Variants in OPCML observed in about 807,000 individuals in gnomAD.
OPCML encodes the protein opioid binding protein/cell adhesion molecule like.
In OPCML, 13 loss-of-function variants were observed where a neutral mutation model predicts 37.8. The observed-to-expected ratio is 0.34, with a 90% CI of 0.22 to 0.55. The LOEUF is 0.55. Ranked by LOEUF, OPCML falls within the 20% of genes least tolerant of loss-of-function variation. The probability of loss-of-function intolerance (pLI) is 0.91; values close to 1 mark genes in which losing one functional copy is unlikely to be tolerated. For synonymous variants in OPCML, 176 were observed against 168.8 expected, an observed-to-expected ratio of 1.04 and a Z score of -0.33; for missense variants, 341 against 435.6, an observed-to-expected ratio of 0.78 and a Z score of 1.93.
intron 3 of OPCML, among the ~76,000 whole-genome samples, chr11:132,576,300 GT>G (rs982755028): frequency 1.3e-5 from 2 of 150,814 alleles, no homozygotes; most frequent in Admixed American, 6.6e-5. Context: ...AGTCCTTTAA[GT>G]TTTTTTTAAA....
At chr11:132,797,146 G>A (rs1938373235) in intron 2 of OPCML, among the ~76,000 whole-genome samples, 1 of 152,080 alleles carries the variant, frequency 6.6e-6, no homozygotes, top group South Asian at 2.1e-4. Flanking sequence ...TTTGTCACTT[G>A]TGTTTTCAAT....
At chr11:132,501,311 G>A (rs1262781592) in intron 4 of OPCML, among the ~76,000 whole-genome samples, 6 of 152,176 alleles carry the variant, frequency 3.9e-5, no homozygotes, top group South Asian at 2.1e-4. Flanking sequence ...CATTCAGGAC[G>A]TAGGCATGAG....
intron 2 of OPCML, among the ~76,000 whole-genome samples, chr11:132,906,972 T>A (rs1340378925): frequency 6.6e-6 from 1 of 152,210 alleles, no homozygotes; most frequent in Non-Finnish European, 1.5e-5. Context: ...TCGACAGCTC[T>A]CTACCTGACA....
intron 2 of OPCML, among the ~76,000 whole-genome samples, chr11:132,828,968 T>C (rs1394863441): frequency 2.0e-5 from 3 of 152,168 alleles, no homozygotes; most frequent in Non-Finnish European, 4.4e-5. Flanking sequence ...CTTTGAAAGA[T>C]AGCAGTGTGG....
intron 1 of OPCML, among the ~76,000 whole-genome samples, chr11:133,263,843 T>C (rs1276843328): frequency 6.6e-6 from 1 of 152,164 alleles, no homozygotes; most frequent in Non-Finnish European, 1.5e-5. Context: ...AAATCTGCCA[T>C]GTATTTTTCA....
intron 1 of OPCML, among the ~76,000 whole-genome samples, chr11:133,289,667 A>G (rs1244460378): frequency 6.6e-6 from 1 of 151,914 alleles, no homozygotes; most frequent in Non-Finnish European, 1.5e-5. Flanking sequence ...CTTAGAGACT[A>G]GGGCTAGTTT....
In OPCML at chr11:132,635,083, G is replaced by T. The variant is rs191689894; in HGVS notation, c.379+22004C>A. 4.6e-5 allele frequency among the ~76,000 whole-genome samples: 7 copies of T among 152,238 alleles called. No individual in the cohort carries two copies. The East Asian group carries it at 1.4e-3, about 29-fold the overall frequency. ...TTTTTAACTGTGAGACGGTAACACT[G>T]CCCATGATTATTACAGTGTGGAGTA... is the stretch of plus-strand genomic sequence containing the variant. On this transcript the variant is annotated intron_variant, in intron 3 of 7. Transcript: ENST00000524381.
chr11:133,282,643 C>T (rs1440870990), intron 1 of OPCML, among the ~76,000 whole-genome samples: 1 of 152,188 alleles, frequency 6.6e-6, no homozygotes, highest in Non-Finnish European at 1.5e-5. Flanking sequence ...AGGGCCACCA[C>T]CCTCCAGCCC....
At chr11:132,605,610 G>T (rs533983771) in intron 3 of OPCML, among the ~76,000 whole-genome samples, 1 of 148,808 alleles carries the variant, frequency 6.7e-6, no homozygotes, top group East Asian at 2.0e-4. Context: ...ACCACTAACT[G>T]GTGTCCTTCC....
chr11:133,368,248 G>A (rs554341063), intron 1 of OPCML, among the ~76,000 whole-genome samples: 1 of 7,980 alleles, frequency 1.3e-4, no homozygotes, highest in Middle Eastern at 0.033. Flanking sequence ...AGGTGAGGTG[G>A]GGGGGGGAAG....
chr11:133,530,590 T>C (rs112838473), intron 1 of OPCML, among the ~76,000 whole-genome samples: 1,996 of 152,340 alleles, frequency 0.013, 60 homozygotes, highest in African/African-American at 0.045. Context: ...GTACTGAGTG[T>C]TCCGTTGGCT....
At chr11:133,024,394 C>T (rs1947510067) in intron 1 of OPCML, 3 of 985,228 alleles carry the variant, frequency 3.0e-6, no homozygotes, top group Non-Finnish European at 3.6e-6. Flanking sequence ...GGATGGAGAC[C>T]TCTGGAGAGA....
chr11:132,698,439 T>C (rs1039375411), intron 2 of OPCML, among the ~76,000 whole-genome samples: 1 of 152,192 alleles, frequency 6.6e-6, no homozygotes, highest in African/African-American at 2.4e-5. Flanking sequence ...CTGTATGTCT[T>C]ATTTTGAAAA....
chr11:133,015,375 GGAAGGAAGGAAGGAAGGAAT>G (rs1947303396), intron 1 of OPCML, among the ~76,000 whole-genome samples: 1 of 82,382 alleles, frequency 1.2e-5, no homozygotes, highest in Non-Finnish European at 2.3e-5. Context: ...GAGGAATGAA[GGAAGGAAGGAAGGAAGGAAT>G]GAAGGAAGGA....
At chr11:133,326,420 T>C (rs1943456423) in intron 1 of OPCML, among the ~76,000 whole-genome samples, 1 of 133,228 alleles carries the variant, frequency 7.5e-6, no homozygotes, top group African/African-American at 2.9e-5. Flanking sequence ...GGTGTGGATA[T>C]GCATGTGTGT....
At chr11:133,094,386 T>C (rs750205935) in intron 1 of OPCML, among the ~76,000 whole-genome samples, 4 of 152,160 alleles carry the variant, frequency 2.6e-5, no homozygotes, top group Non-Finnish European at 4.4e-5. Context: ...AATGTTCAGA[T>C]ATTATTTTCA....
At chr11:132,655,441 TGAG>T (rs965986632) in intron 3 of OPCML, among the ~76,000 whole-genome samples, 3 of 152,338 alleles carry the variant, frequency 2.0e-5, no homozygotes, top group South Asian at 2.1e-4. Context: ...TGTCGTCCTC[TGAG>T]GAGAAGTATC....
chr11:133,477,170 C>A (rs1947259685), intron 1 of OPCML, among the ~76,000 whole-genome samples: 1 of 152,006 alleles, frequency 6.6e-6, no homozygotes, highest in Non-Finnish European at 1.5e-5. Context: ...TTTTTCCCCC[C>A]ACGTTTTTCT....
chr11:133,074,581 G>A (rs1334874260), intron 1 of OPCML, among the ~76,000 whole-genome samples: 5 of 152,158 alleles, frequency 3.3e-5, no homozygotes, highest in East Asian at 3.9e-4. Flanking sequence ...GCTTCCAGGA[G>A]GATGGTAGCC....
Sources: gnomAD v4.1 joint callset for allele counts (sites outside exome capture counted in the v4.1 genomes callset) on GRCh38, gnomAD v4.1.1 for gene constraint, MANE v1.5 for transcripts, NCBI Gene and HGNC (gene_info 2026-07-23, HGNC 2026-07-21) for gene names.